The following FOXP1 variants were observed in gnomAD, a reference collection of about 807,000 sequenced individuals.
FOXP1 encodes forkhead box P1, also known as forkhead box protein P1.
Under a neutral mutation model 98.2 loss-of-function variants are expected in FOXP1, and 15 were observed. The observed-to-expected ratio is 0.15, with a 90% CI of 0.10 to 0.24. The LOEUF (loss-of-function observed/expected upper bound fraction) is 0.24, where lower values mean the gene tolerates loss of function less well. Among genes scored for constraint, FOXP1 ranks in the 10% least tolerant of loss-of-function variants. The pLI is 1.00. For missense variants in FOXP1, 633 were observed against 848.5 expected, an observed-to-expected ratio of 0.75 and a Z score of 3.15; for synonymous variants, 371 against 314.5, an observed-to-expected ratio of 1.18 and a Z score of -1.90.
At chr3:71,182,422 T>C (rs920374636) in intron 6 of FOXP1, among the ~76,000 whole-genome samples, 3 of 152,050 alleles carry the variant, frequency 2.0e-5, no homozygotes, top group Non-Finnish European at 4.4e-5. Context: ...AAATTAAAAA[T>C]AACTGTTCAT....
intron 2 of FOXP1, among the ~76,000 whole-genome samples, chr3:71,548,471 T>C (rs370349046): frequency 2.0e-5 from 3 of 152,182 alleles, no homozygotes; most frequent in African/African-American, 4.8e-5. Context: ...AGTGGCACTC[T>C]CACGGCTTGA....
At chr3:71,406,324 T>C (rs2082319199) in intron 3 of FOXP1, among the ~76,000 whole-genome samples, 2 of 150,820 alleles carry the variant, frequency 1.3e-5, no homozygotes, top group African/African-American at 4.9e-5. Context: ...GCTGCTCACA[T>C]CTCTTAGCCT....
chr3:71,188,316 A>G (rs1432357590), intron 6 of FOXP1, among the ~76,000 whole-genome samples: 1 of 152,184 alleles, frequency 6.6e-6, no homozygotes, highest in Non-Finnish European at 1.5e-5. Context: ...CTTCCCTTCA[A>G]TGTGGAGAGA....
chr3:71,340,078 T>G (rs75727747), intron 4 of FOXP1, among the ~76,000 whole-genome samples: 4,117 of 152,310 alleles, frequency 0.027, 80 homozygotes, highest in Non-Finnish European at 0.038. Flanking sequence ...GAAGTATCTT[T>G]TGATGCATAT....
chr3:71,055,107 C>T (rs1015157174), intron 7 of FOXP1, among the ~76,000 whole-genome samples: 1 of 152,158 alleles, frequency 6.6e-6, no homozygotes, highest in African/African-American at 2.4e-5. Flanking sequence ...TGCAGTTTAT[C>T]CTGACTTTTT....
chr3:71,520,130 A>G (rs772429287), intron 2 of FOXP1, among the ~76,000 whole-genome samples: 2 of 152,198 alleles, frequency 1.3e-5, no homozygotes, highest in Non-Finnish European at 1.5e-5. Context: ...CATCTCCCCA[A>G]TTATCTTGGG....
intron 5 of FOXP1, among the ~76,000 whole-genome samples, chr3:71,260,184 C>T (rs1247976769): frequency 6.6e-6 from 1 of 152,108 alleles, no homozygotes; most frequent in African/African-American, 2.4e-5. Flanking sequence ...GGGGTTTCAC[C>T]GTGTTAGCCA....
intron 14 of FOXP1, among the ~76,000 whole-genome samples, chr3:70,981,167 TC>T (rs2038770071): frequency 8.7e-6 from 1 of 114,440 alleles, no homozygotes; most frequent in Non-Finnish European, 1.6e-5. Context: ...ATTACCAAGA[TC>T]GCACCACTAG....
chr3:71,403,202 G>A (rs1370820150), intron 3 of FOXP1, among the ~76,000 whole-genome samples: 2 of 152,200 alleles, frequency 1.3e-5, no homozygotes, highest in East Asian at 1.9e-4. Context: ...ATGTGTTCAT[G>A]TGTGGCGTGT....
At chr3:71,462,621 C>T (rs1048328530) in intron 3 of FOXP1, among the ~76,000 whole-genome samples, 2 of 152,130 alleles carry the variant, frequency 1.3e-5, no homozygotes, top group Non-Finnish European at 2.9e-5. Context: ...CCAAAACCTC[C>T]GTAGAATTTA....
chr3:71,382,034 G>A (rs984410646), intron 3 of FOXP1, among the ~76,000 whole-genome samples: 3 of 152,138 alleles, frequency 2.0e-5, no homozygotes, highest in Non-Finnish European at 4.4e-5. Flanking sequence ...TACTTCAGAA[G>A]GCCTAGGCAG....
intron 6 of FOXP1, among the ~76,000 whole-genome samples, chr3:71,166,292 GA>G (rs1222668617): frequency 6.6e-6 from 1 of 152,142 alleles, no homozygotes; most frequent in African/African-American, 2.4e-5. Flanking sequence ...AGTGGGGGGT[GA>G]CAAGAGCCGC....
intron 4 of FOXP1, among the ~76,000 whole-genome samples, chr3:71,305,114 C>T (rs1296138991): frequency 1.1e-4 from 17 of 152,172 alleles, no homozygotes; most frequent in Admixed American, 1.1e-3. Context: ...TTCTCTGAGT[C>T]TGTTTTTAAA....
chr3:71,340,811 G>A (rs918022841), intron 4 of FOXP1, among the ~76,000 whole-genome samples: 3 of 152,182 alleles, frequency 2.0e-5, no homozygotes, highest in African/African-American at 4.8e-5. Context: ...CTCCATCAAT[G>A]TCAGGGAGCC....
At chr3:71,001,467 G>A (rs975054631) in intron 12 of FOXP1, among the ~76,000 whole-genome samples, 3 of 152,114 alleles carry the variant, frequency 2.0e-5, no homozygotes, top group Non-Finnish European at 4.4e-5. Flanking sequence ...TCATATAACT[G>A]ATGATACATC....
At chr3:71,197,496 G>C (rs1329771591) in intron 6 of FOXP1, among the ~76,000 whole-genome samples, 2 of 152,098 alleles carry the variant, frequency 1.3e-5, no homozygotes, top group African/African-American at 4.8e-5. Context: ...AGGTACCCAG[G>C]TCCATACCTG....
intron 6 of FOXP1, among the ~76,000 whole-genome samples, chr3:71,161,605 G>A (rs542311545): frequency 2.0e-5 from 3 of 152,336 alleles, no homozygotes; most frequent in South Asian, 4.1e-4. Context: ...TTGAAGAAAG[G>A]AATGGAAAAG....
intron 12 of FOXP1, among the ~76,000 whole-genome samples, chr3:71,005,370 A>C (rs899296204): frequency 1.3e-5 from 2 of 148,732 alleles, no homozygotes; most frequent in East Asian, 2.0e-4. Flanking sequence ...CCCTTTATGA[A>C]GACGGGTATA....
At chr3:71,556,096 A>G (rs1231394676) in intron 2 of FOXP1, among the ~76,000 whole-genome samples, 1 of 152,186 alleles carries the variant, frequency 6.6e-6, no homozygotes, top group Non-Finnish European at 1.5e-5. Flanking sequence ...TATATATGTA[A>G]TATGTATTAA....
Sources: gnomAD v4.1 joint callset for allele counts (sites outside exome capture counted in the v4.1 genomes callset) on GRCh38, gnomAD v4.1.1 for gene constraint, MANE v1.5 for transcripts, NCBI Gene and HGNC (gene_info 2026-07-23, HGNC 2026-07-21) for gene names.